The following OR5AK2 variants were observed in gnomAD, a reference collection of about 807,000 sequenced individuals.
The protein encoded by OR5AK2 is olfactory receptor family 5 subfamily AK member 2, also known as olfactory receptor 5AK2.
For synonymous variants in OR5AK2, 176 were observed against 128.2 expected, an observed-to-expected ratio of 1.37 and a Z score of -2.52; for missense variants, 438 against 366.3, an observed-to-expected ratio of 1.20 and a Z score of -1.60.
chr11:56,989,281 A>C lies in OR5AK2; in HGVS notation c.368A>C (p.Tyr123Ser). ...YLLAMMAVDPYVAICKPLHYT... is the reference protein window; with the variant it reads ...YLLAMMAVDPSVAICKPLHYT... ...CTGGCTATGATGGCAGTGGATCCTT[A>C]TGTTGCCATCTGTAAGCCCCTTCAC... Residue 123 changes from tyrosine to serine, a missense_variant, in exon 1 of 1, where the codon TAT (tyrosine) becomes TCT (serine). Tyr to Ser is a moderately radical substitution (Grantham distance 144). Transcript: ENST00000326855. 1.9e-6 allele frequency: 3 copies of C among 1,614,102 alleles called. No individual in the cohort carries two copies. The highest frequency in any genetic ancestry group is 2.5e-6 in the Non-Finnish European group (3 of 1,179,992).
Position 56,989,345 on chromosome 11 carries a change from G to T in OR5AK2, c.432G>T (p.Leu144Phe), listed in dbSNP as rs748298230. 1.5e-5 allele frequency: 24 copies of T among 1,613,902 alleles called. No individual in the cohort carries two copies. The highest frequency in any genetic ancestry group is 1.7e-5 in the Non-Finnish European group (20 of 1,179,972). The change falls in exon 1 of 1, where the codon TTG (leucine) becomes TTT (phenylalanine). Residue 144 changes from leucine (L) to phenylalanine (F), a missense_variant. By Grantham distance (22) the Leu-to-Phe change is conservative (BLOSUM62 0). Transcript: ENST00000326855. ...TGTCCCGAACAGTCTGCATCCGTTT[G>T]GTAGCTGGTTCATACATCATGGGCT... ...VIMSRTVCIR[L>F]VAGSYIMGSI...
Position 56,989,805 on chromosome 11 carries a change from A to C in OR5AK2, c.892A>C (p.Lys298Gln), listed in dbSNP as rs2135227536. 6.2e-7 allele frequency: 1 copy of C among 1,603,836 alleles called. No individual in the cohort carries two copies. Residue 298 changes from lysine (K) to glutamine (Q), a missense_variant, in exon 1 of 1, where the codon AAA becomes CAA. By Grantham distance (53) the Lys-to-Gln change is moderately conservative. Coordinates refer to ENST00000326855, the MANE Select transcript of OR5AK2 (RefSeq NM_001005323.1). ...CTATAGCTTGAGAAATAAGGAAGTAAAAGAAGCTTTAAAAGTGATAGGGAA... is the reference window on the plus strand; with the variant it reads ...CTATAGCTTGAGAAATAAGGAAGTACAAGAAGCTTTAAAAGTGATAGGGAA... ...LIYSLRNKEV[K>Q]EALKVIGKKL...
In OR5AK2 at chr11:56,989,446, T is replaced by C; in HGVS notation, c.533T>C (p.Phe178Ser). Residue 178 changes from phenylalanine to serine, a missense_variant, in exon 1 of 1, where the codon TTC (phenylalanine) becomes TCC (serine). By Grantham distance (155) the Phe-to-Ser change is radical. Coordinates refer to ENST00000326855, the MANE Select transcript of OR5AK2 (RefSeq NM_001005323.1). ...FCKSNSINHF[F>S]CDVPPILALS... ...AAGTCCAATAGCATCAATCACTTTT[T>C]CTGTGATGTTCCCCCTATTCTTGCT... 6.2e-7 allele frequency: 1 copy of C among 1,614,188 alleles called. No homozygotes were observed.
chr11:56,989,235 G>T lies in OR5AK2; in HGVS notation c.322G>T (p.Ala108Ser), dbSNP rs751394677. Residue 108 changes from alanine to serine, a missense_variant, in exon 1 of 1, where the codon GCA becomes TCA. Physicochemically the swap from Ala to Ser is moderately conservative, Grantham distance 99. Transcript: ENST00000326855. ...ACAATTCTTAGTTTATGCAACATTT[G>T]CAACCAGTGACTGTTATCTCCTGGC... is the stretch of plus-strand genomic sequence containing the variant. The part of the protein sequence containing the change: ...VIQFLVYATF[A>S]TSDCYLLAMM... 6 of 1,613,842 alleles carry T rather than the reference G, an allele frequency of 3.7e-6. No individual in the cohort carries two copies. In the Admixed American group the frequency reaches 8.3e-5, roughly 22 times the overall value.
rs1861648930 is a variant in OR5AK2 at position 56,989,378 on chromosome 11, T to A, written c.465T>A (p.Asn155Lys). 3 of 1,614,180 alleles carry A rather than the reference T, an allele frequency of 1.9e-6. No individual in the cohort carries two copies. Among genetic ancestry groups the A allele is most frequent in the Non-Finnish European group, 2.5e-6 (3 of 1,180,000 alleles). ...VAGSYIMGSI[N>K]ASVQTGFTCS... Reference sequence around the variant, plus strand: ...GTTCATACATCATGGGCTCAATAAATGCCTCTGTACAAACAGGTTTTACAT... The same window carrying A: ...GTTCATACATCATGGGCTCAATAAAAGCCTCTGTACAAACAGGTTTTACAT... Residue 155 changes from asparagine to lysine, a missense_variant, in exon 1 of 1, where the codon AAT (asparagine) becomes AAA (lysine). Physicochemically the swap from Asn to Lys is moderately conservative, Grantham distance 94. Transcript: ENST00000326855.
Position 56,989,120 on chromosome 11 carries a change from T to G in OR5AK2, c.207T>G (p.Val69=). Residue 69 remains valine (V), a synonymous_variant, in exon 1 of 1, where the codon GTT becomes GTG. Coordinates refer to ENST00000326855, the MANE Select transcript of OR5AK2 (RefSeq NM_001005323.1). ...TTTTTCTACAACATTTGGCTTTTGTTGATATCTGTTACACTTCTGCTATCA... is the reference window on the plus strand; with the variant it reads ...TTTTTCTACAACATTTGGCTTTTGTGGATATCTGTTACACTTCTGCTATCA... ...TYFFLQHLAF[V]DICYTSAITP... 3 of 1,613,952 alleles carry G rather than the reference T, an allele frequency of 1.9e-6. No individual in the cohort carries two copies. Among genetic ancestry groups the G allele is most frequent in the Non-Finnish European group, 2.5e-6 (3 of 1,179,806 alleles).
rs746497549 is a variant in OR5AK2, at chr11:56,989,122, A to G, written c.209A>G (p.Asp70Gly). Residue 70 changes from aspartate to glycine, a missense_variant, in exon 1 of 1, where the codon GAT (aspartate) becomes GGT (glycine). Asp to Gly is a moderately conservative substitution (Grantham distance 94). Coordinates refer to ENST00000326855, the MANE Select transcript of OR5AK2 (RefSeq NM_001005323.1). The part of the protein sequence containing the change: ...YFFLQHLAFV[D>G]ICYTSAITPK... ...TTTCTACAACATTTGGCTTTTGTTG[A>G]TATCTGTTACACTTCTGCTATCACT... 5.0e-6 allele frequency: 8 copies of G among 1,613,902 alleles called. No homozygotes were observed. Among genetic ancestry groups the G allele is most frequent in the Middle Eastern group, 3.3e-4 (2 of 6,060 alleles).
In OR5AK2 at chr11:56,989,477, A is replaced by G; in HGVS notation, c.564A>G (p.Ser188=). 6.2e-6 allele frequency: 10 copies of G among 1,614,056 alleles called. No homozygotes were observed. Among genetic ancestry groups the G allele is most frequent in the South Asian group, 1.1e-5 (1 of 91,080 alleles). Residue 188 remains serine (S), a synonymous_variant, in exon 1 of 1, where the codon TCA becomes TCG. Transcript: ENST00000326855. ...FCDVPPILAL[S]CSNVDINIML... The stretch of plus-strand genomic sequence containing the variant: ...ATGTTCCCCCTATTCTTGCTCTTTC[A>G]TGCTCCAATGTTGACATCAACATCA...
Position 56,989,092 on chromosome 11 carries a change from A to C in OR5AK2, c.179A>C (p.Tyr60Ser), listed in dbSNP as rs1861642006. Reference sequence around the variant, plus strand: ...GATTCCAGATTTCAAACACTCACGTACTTTTTTCTACAACATTTGGCTTTT... The same window carrying C: ...GATTCCAGATTTCAAACACTCACGTCCTTTTTTCTACAACATTTGGCTTTT... ...NTDSRFQTLT[Y>S]FFLQHLAFVD... The change falls in exon 1 of 1, where the codon TAC becomes TCC. Residue 60 changes from tyrosine to serine, a missense_variant. Coordinates refer to ENST00000326855, the MANE Select transcript of OR5AK2 (RefSeq NM_001005323.1). 1 of 1,613,910 alleles carries C rather than the reference A, an allele frequency of 6.2e-7. No individual in the cohort carries two copies. The highest frequency in any genetic ancestry group is 8.5e-7 in the Non-Finnish European group (1 of 1,179,924).
rs148909197 is a variant in OR5AK2, at chr11:56,989,401, C to A, written c.488C>A (p.Thr163Lys). 1.7e-4 allele frequency: 275 copies of A among 1,614,198 alleles called. 4 individuals carry two copies. In the Middle Eastern group the frequency reaches 3.8e-3, roughly 22 times the overall value. Residue 163 changes from threonine to lysine, a missense_variant, in exon 1 of 1, where the codon ACA (threonine) becomes AAA (lysine). Transcript: ENST00000326855. Reference sequence around the variant, plus strand: ...AATGCCTCTGTACAAACAGGTTTTACATGTTCACTGTCCTTCTGCAAGTCC... The same window carrying A: ...AATGCCTCTGTACAAACAGGTTTTAAATGTTCACTGTCCTTCTGCAAGTCC... The part of the protein sequence containing the change: ...SINASVQTGF[T>K]CSLSFCKSNS...
Position 56,989,019 on chromosome 11 carries a change from G to A in OR5AK2, c.106G>A (p.Val36Met), listed in dbSNP as rs1861640603. 1 of 1,612,968 alleles carries A rather than the reference G, an allele frequency of 6.2e-7. No individual in the cohort carries two copies. The highest frequency in any genetic ancestry group is 2.2e-5 in the East Asian group (1 of 44,852). ...CTTCATTGTATTCCTTCTCATCTATGTGACCTCCATAATGGGTAATAGTGG... is the reference window on the plus strand; with the variant it reads ...CTTCATTGTATTCCTTCTCATCTATATGACCTCCATAATGGGTAATAGTGG... The part of the protein sequence containing the change: ...ILFIVFLLIY[V>M]TSIMGNSGII... Residue 36 changes from valine (V) to methionine (M), a missense_variant, in exon 1 of 1, where the codon GTG becomes ATG. Coordinates refer to ENST00000326855, the MANE Select transcript of OR5AK2 (RefSeq NM_001005323.1).
At position 56,989,284 on chromosome 11, in the gene OR5AK2, T is replaced by C. The variant is rs1017990737; in HGVS notation, c.371T>C (p.Val124Ala). 1 of 1,614,024 alleles carries C rather than the reference T, an allele frequency of 6.2e-7. No individual in the cohort carries two copies. Among genetic ancestry groups the C allele is most frequent in the African/African-American group, 1.3e-5 (1 of 74,940 alleles). ...LLAMMAVDPYVAICKPLHYTV... is the reference protein window; with the variant it reads ...LLAMMAVDPYAAICKPLHYTV... Reference sequence around the variant, plus strand: ...GCTATGATGGCAGTGGATCCTTATGTTGCCATCTGTAAGCCCCTTCACTAT... The same window carrying C: ...GCTATGATGGCAGTGGATCCTTATGCTGCCATCTGTAAGCCCCTTCACTAT... Residue 124 changes from valine (V) to alanine (A), a missense_variant, in exon 1 of 1, where the codon GTT becomes GCT. By Grantham distance (64) the Val-to-Ala change is moderately conservative. Coordinates refer to ENST00000326855, the MANE Select transcript of OR5AK2 (RefSeq NM_001005323.1).
rs1245036899 is a variant in OR5AK2 at position 56,989,144 on chromosome 11, C to G, written c.231C>G (p.Ile77Met). ...TTGATATCTGTTACACTTCTGCTAT[C>G]ACTCCCAAGATGCTCCAAAGCTTCA... is the stretch of plus-strand genomic sequence containing the variant. The part of the protein sequence containing the change: ...AFVDICYTSA[I>M]TPKMLQSFTE... The change falls in exon 1 of 1, where the codon ATC (isoleucine) becomes ATG (methionine). Residue 77 changes from isoleucine (I) to methionine (M), a missense_variant. By Grantham distance (10) the Ile-to-Met change is conservative. Coordinates refer to ENST00000326855, the MANE Select transcript of OR5AK2 (RefSeq NM_001005323.1). 2 of 1,613,682 alleles carry G rather than the reference C, an allele frequency of 1.2e-6. No individual in the cohort carries two copies. The highest frequency in any genetic ancestry group is 1.7e-5 in the Admixed American group (1 of 60,002).
rs766444823 is a variant in OR5AK2, at chr11:56,988,948, T to C, written c.35T>C (p.Phe12Ser). Reference sequence around the variant, plus strand: ...GGAAACAGCACTGAAGTCACTGAATTCTATCTTCTGGGATTTGGTGCCCAG... The same window carrying C: ...GGAAACAGCACTGAAGTCACTGAATCCTATCTTCTGGGATTTGGTGCCCAG... ...TLGNSTEVTE[F>S]YLLGFGAQHE... The change falls in exon 1 of 1, where the codon TTC (phenylalanine) becomes TCC (serine). Residue 12 changes from phenylalanine (F) to serine (S), a missense_variant. Physicochemically the swap from Phe to Ser is radical, Grantham distance 155. Transcript: ENST00000326855. 2 of 1,612,248 alleles carry C rather than the reference T, an allele frequency of 1.2e-6. No homozygotes were observed. Among genetic ancestry groups the C allele is most frequent in the East Asian group, 2.2e-5 (1 of 44,872 alleles).
In OR5AK2 at chr11:56,989,308, A is replaced by G. The variant is rs773555440; in HGVS notation, c.395A>G (p.Tyr132Cys). Residue 132 changes from tyrosine (Y) to cysteine (C), a missense_variant, in exon 1 of 1, where the codon TAT (tyrosine) becomes TGT (cysteine). Transcript: ENST00000326855. ...GTTGCCATCTGTAAGCCCCTTCACTATACTGTAATCATGTCCCGAACAGTC... is the reference window on the plus strand; with the variant it reads ...GTTGCCATCTGTAAGCCCCTTCACTGTACTGTAATCATGTCCCGAACAGTC... ...PYVAICKPLH[Y>C]TVIMSRTVCI... 3 of 1,614,130 alleles carry G rather than the reference A, an allele frequency of 1.9e-6. No individual in the cohort carries two copies. The highest frequency in any genetic ancestry group is 1.1e-5 in the South Asian group (1 of 91,074).
In OR5AK2 at chr11:56,989,013, A is replaced by G. The variant is rs1861640532; in HGVS notation, c.100A>G (p.Ile34Val). The change falls in exon 1 of 1, where the codon ATC becomes GTC. Residue 34 changes from isoleucine to valine, a missense_variant. Physicochemically the swap from Ile to Val is conservative, Grantham distance 29. Coordinates refer to ENST00000326855, the MANE Select transcript of OR5AK2 (RefSeq NM_001005323.1). ...WCILFIVFLL[I>V]YVTSIMGNSG... Reference sequence around the variant, plus strand: ...TATCCTCTTCATTGTATTCCTTCTCATCTATGTGACCTCCATAATGGGTAA... The same window carrying G: ...TATCCTCTTCATTGTATTCCTTCTCGTCTATGTGACCTCCATAATGGGTAA... 1 of 1,613,110 alleles carries G rather than the reference A, an allele frequency of 6.2e-7. No individual in the cohort carries two copies. The highest frequency in any genetic ancestry group is 8.5e-7 in the Non-Finnish European group (1 of 1,179,152).
Position 56,989,740 on chromosome 11 carries a change from T to C in OR5AK2, c.827T>C (p.Ile276Thr). 5 of 1,612,780 alleles carry C rather than the reference T, an allele frequency of 3.1e-6. No homozygotes were observed. The highest frequency in any genetic ancestry group is 3.4e-6 in the Non-Finnish European group (4 of 1,178,786). The change falls in exon 1 of 1, where the codon ATA becomes ACA. Residue 276 changes from isoleucine to threonine, a missense_variant. Coordinates refer to ENST00000326855, the MANE Select transcript of OR5AK2 (RefSeq NM_001005323.1). ...CAGGAAAATATGAAAGTGGCCTTTATATTTTATGGCACAGTTATTCCCATG... is the reference window on the plus strand; with the variant it reads ...CAGGAAAATATGAAAGTGGCCTTTACATTTTATGGCACAGTTATTCCCATG... ...NSQENMKVAF[I>T]FYGTVIPMLN...
chr11:56,989,095 T>G lies in OR5AK2; in HGVS notation c.182T>G (p.Phe61Cys). 2 of 1,614,042 alleles carry G rather than the reference T, an allele frequency of 1.2e-6. No homozygotes were observed. Among genetic ancestry groups the G allele is most frequent in the Non-Finnish European group, 1.7e-6 (2 of 1,179,930 alleles). The change falls in exon 1 of 1, where the codon TTT (phenylalanine) becomes TGT (cysteine). Residue 61 changes from phenylalanine (F) to cysteine (C), a missense_variant. Transcript: ENST00000326855. ...TCCAGATTTCAAACACTCACGTACT[T>G]TTTTCTACAACATTTGGCTTTTGTT... ...TDSRFQTLTY[F>C]FLQHLAFVDI...
Position 56,989,641 on chromosome 11 carries a change from C to T in OR5AK2, c.728C>T (p.Ser243Phe). The T allele has an allele frequency of 1.9e-6, 3 of 1,613,998 alleles. No individual in the cohort carries two copies. The highest frequency in any genetic ancestry group is 8.5e-7 in the Non-Finnish European group (1 of 1,179,912). The change falls in exon 1 of 1, where the codon TCC (serine) becomes TTC (phenylalanine). Residue 243 changes from serine to phenylalanine, a missense_variant. Coordinates refer to ENST00000326855, the MANE Select transcript of OR5AK2 (RefSeq NM_001005323.1). ...GRKKSFSTCA[S>F]HLTAVTIFYG... Reference sequence around the variant, plus strand: ...AAAAAATCCTTCTCAACATGTGCTTCCCACCTGACCGCAGTCACCATTTTC... The same window carrying T: ...AAAAAATCCTTCTCAACATGTGCTTTCCACCTGACCGCAGTCACCATTTTC...
Sources: gnomAD v4.1 joint callset for allele counts on GRCh38, gnomAD v4.1.1 for gene constraint, MANE v1.5 for transcripts, NCBI Gene and HGNC (gene_info 2026-07-23, HGNC 2026-07-21) for gene names.